POC1A: variants seen among roughly 807,000 people sequenced by gnomAD.
The protein encoded by POC1A is POC1 centriolar protein homolog A.
POC1A carries 34 observed loss-of-function variants against 47.8 expected under a neutral mutation model. The ratio of observed to expected loss-of-function variants is 0.71; its 90% CI spans 0.54 to 0.95. The LOEUF (loss-of-function observed/expected upper bound fraction) is 0.95. Ranked by LOEUF, POC1A falls within the 40% of genes least tolerant of loss-of-function variation. The pLI is 0.00. For synonymous variants in POC1A, 177 were observed against 207.6 expected, an observed-to-expected ratio of 0.85 and a Z score of 1.27; for missense variants, 466 against 528.3, an observed-to-expected ratio of 0.88 and a Z score of 1.16.
rs754587323 is a variant in POC1A, at chr3:52,146,979, G to T, written c.563+9C>A. The T allele has an allele frequency of 1.9e-6, 3 of 1,608,688 alleles. No homozygotes were observed. Among genetic ancestry groups the T allele is most frequent in the Non-Finnish European group, 2.6e-6 (3 of 1,175,198 alleles). On this transcript the variant is annotated intron_variant, in intron 5 of 10. Transcript: ENST00000296484. ...GCCTACAGGTGGAGGACAGCATCTG[G>T]GGACTCACCCGCCATGCTCACAATA...
chr3:52,117,436 G>A (rs1577867913), intron 9 of POC1A, among the ~76,000 whole-genome samples: 1 of 152,192 alleles, frequency 6.6e-6, no homozygotes, highest in East Asian at 1.9e-4. Context: ...GGAGGGCCCA[G>A]CCTCTCCCCA....
At chr3:52,152,551 C>A (rs767919761) in intron 1 of POC1A, among the ~76,000 whole-genome samples, 5 of 151,982 alleles carry the variant, frequency 3.3e-5, no homozygotes, top group African/African-American at 1.2e-4. Context: ...GCCTGGACGA[C>A]AGAGTGAGAC....
chr3:52,154,241 C>T (rs1443722808), intron 1 of POC1A, 114 bp downstream of exon 1: 15 of 1,175,512 alleles, frequency 1.3e-5, no homozygotes, highest in Non-Finnish European at 1.3e-5. Flanking sequence ...TGAAGAGGAC[C>T]ACCCTGGAAC....
In POC1A at chr3:52,149,958, C is replaced by T; in HGVS notation, c.133G>A (p.Val45Ile). ...ASGSMDSCLM[V>I]WHMKPQSRAY... ...CGTGACTGCGGCTTCATGTGCCAGA[C>T]CATGAGGCATGAGTCCATGGAGCCA... The change falls in exon 3 of 11, where the codon GTC (valine) becomes ATC (isoleucine). Residue 45 changes from valine to isoleucine, a missense_variant. Transcript: ENST00000296484. 1.2e-6 allele frequency: 2 copies of T among 1,613,642 alleles called. No homozygotes were observed. The highest frequency in any genetic ancestry group is 1.7e-6 in the Non-Finnish European group (2 of 1,179,960).
At chr3:52,100,681 G>A (rs1172628352) in intron 9 of POC1A, among the ~76,000 whole-genome samples, 1 of 152,150 alleles carries the variant, frequency 6.6e-6, no homozygotes, top group Non-Finnish European at 1.5e-5. Flanking sequence ...AGAACCCCCA[G>A]GTGCCACAGA....
chr3:52,086,132 G>T (rs1559809961), intron 10 of POC1A, among the ~76,000 whole-genome samples: 1 of 152,188 alleles, frequency 6.6e-6, no homozygotes. Flanking sequence ...GTGGGACTGG[G>T]GTTCTCCAGT....
At chr3:52,105,080 G>A (rs80137534) in intron 9 of POC1A, among the ~76,000 whole-genome samples, 1 of 152,340 alleles carries the variant, frequency 6.6e-6, no homozygotes, top group African/African-American at 2.4e-5. Flanking sequence ...AAAGCATCCA[G>A]GAACTGGTCC....
At chr3:52,132,942 A>G (rs1408539599) in intron 7 of POC1A, among the ~76,000 whole-genome samples, 1 of 151,908 alleles carries the variant, frequency 6.6e-6, no homozygotes, top group Non-Finnish European at 1.5e-5. Flanking sequence ...ACTACTCGGG[A>G]GGCTGAGGTG....
intron 7 of POC1A, among the ~76,000 whole-genome samples, chr3:52,128,578 C>T (rs1234352568): frequency 6.6e-6 from 1 of 152,182 alleles, no homozygotes; most frequent in Admixed American, 6.5e-5. Flanking sequence ...ACAGAGAACA[C>T]CTGGGCTCTG....
rs1456738847 is a variant in POC1A, at chr3:52,154,378, G to C, written c.-6C>G. 4 of 1,483,730 alleles carry C rather than the reference G, an allele frequency of 2.7e-6. No homozygotes were observed. Among genetic ancestry groups the C allele is most frequent in the African/African-American group, 1.5e-5 (1 of 67,326 alleles). The allele number at this position is 1,483,730 out of a possible 1,614,324, so 91.9% of individuals were successfully genotyped here. A position where few individuals can be genotyped will look rare whatever the true frequency, so the allele number is the denominator to read the frequency against. On this transcript the variant is annotated 5_prime_UTR_variant, in exon 1 of 11. Transcript: ENST00000296484. ...ACCGCGCAGGGCGCAGCCATGGCGG[G>C]GCTGGCGGCGCCGAAGGCAGCTGCG...
intron 7 of POC1A, among the ~76,000 whole-genome samples, chr3:52,134,619 G>T (rs967845945): frequency 6.6e-6 from 1 of 152,146 alleles, no homozygotes; most frequent in African/African-American, 2.4e-5. Context: ...GCGACAGGGC[G>T]AAACTGTCTC....
chr3:52,149,138 A>G, intron 4 of POC1A, 72 bp downstream of exon 4: 1 of 1,364,318 alleles, frequency 7.3e-7, no homozygotes, highest in South Asian at 1.2e-5. Flanking sequence ...ATAAGTTGGT[A>G]CCTAGCAGCC....
intron 7 of POC1A, among the ~76,000 whole-genome samples, chr3:52,127,629 A>G (rs746263937): frequency 4.0e-5 from 6 of 151,342 alleles, no homozygotes; most frequent in Non-Finnish European, 5.9e-5. Flanking sequence ...TCCTGACCCC[A>G]TGATCTGCCC....
chr3:52,083,452 G>T (rs958223521), intron 10 of POC1A, among the ~76,000 whole-genome samples: 7 of 152,050 alleles, frequency 4.6e-5, no homozygotes, highest in African/African-American at 1.7e-4. Flanking sequence ...CTCTCCCTGG[G>T]CTACGTGGGC....
chr3:52,123,020 C>G (rs562924039), intron 8 of POC1A, among the ~76,000 whole-genome samples: 1 of 152,376 alleles, frequency 6.6e-6, no homozygotes, highest in Non-Finnish European at 1.5e-5. Context: ...CAGAACACTC[C>G]TTACTGAATG....
rs148621548 is a variant in POC1A at position 52,096,710 on chromosome 3, T to C, written c.984A>G (p.Pro328=). The change falls in exon 10 of 11, where the codon CCA becomes CCG. Residue 328 remains proline (P), a splice_region_variant and synonymous_variant. Coordinates refer to ENST00000296484, the MANE Select transcript of POC1A (RefSeq NM_015426.5). ...ATLASSMGNL[P]EVDFPVPPGR... is the part of the protein sequence containing the mutation. ...CTGGGGGGACAGGGAAGTCCACTTCTGGCTAAAGACAGAAAGAAAAAAGTT... is the reference window on the plus strand; with the variant it reads ...CTGGGGGGACAGGGAAGTCCACTTCCGGCTAAAGACAGAAAGAAAAAAGTT... 1.3e-5 allele frequency: 20 copies of C among 1,582,680 alleles called. No homozygotes were observed. In the African/African-American group the frequency reaches 2.7e-4, roughly 22 times the overall value.
intron 7 of POC1A, among the ~76,000 whole-genome samples, chr3:52,132,827 T>G (rs1704275475): frequency 6.6e-6 from 1 of 152,050 alleles, no homozygotes; most frequent in South Asian, 2.1e-4. Context: ...GGCAGATCAC[T>G]TGAGGTCAGG....
chr3:52,103,024 G>A (rs1382385234), intron 9 of POC1A, among the ~76,000 whole-genome samples: 2 of 152,204 alleles, frequency 1.3e-5, no homozygotes, highest in Non-Finnish European at 2.9e-5. Flanking sequence ...GTACATTAAT[G>A]GAACAAAGAG....
intron 5 of POC1A, 39 bp from the exon 6 acceptor site, chr3:52,146,000 G>T (rs894493898): frequency 1.5e-6 from 2 of 1,298,882 alleles, no homozygotes; most frequent in Non-Finnish European, 2.2e-6. Flanking sequence ...TAGGAGGTCT[G>T]CCCTGGTTCA....
Sources: allele counts gnomAD v4.1 joint callset (sites outside exome capture counted in the v4.1 genomes callset), GRCh38; gene constraint gnomAD v4.1.1; transcripts MANE v1.5; gene names NCBI Gene and HGNC (gene_info 2026-07-23, HGNC 2026-07-21).